Variants in MAF observed in about 807,000 individuals in gnomAD.
MAF encodes the protein transcription factor Maf.
A neutral mutation model predicts 22.0 loss-of-function variants in MAF; 10 were observed. That is an observed-to-expected ratio of 0.45 (90% confidence interval 0.28 to 0.77). MAF has a LOEUF of 0.77. Ranked by LOEUF, MAF falls within the 30% of genes least tolerant of loss-of-function variation. The probability of loss-of-function intolerance (pLI) is 0.12; values close to 1 mark genes in which losing one functional copy is unlikely to be tolerated. For synonymous variants in MAF, 337 were observed against 255.8 expected (o/e 1.32, Z -3.03); for missense variants, 544 against 548.4 (o/e 0.99, Z 0.08).
chr16:79,252,267 G>A, the MAF span, among the ~76,000 whole-genome samples: 1 of 141,202 alleles, frequency 7.1e-6, no homozygotes, highest in Non-Finnish European at 1.6e-5. Context: ...TAATGGGTGT[G>A]GCCATGTTCC....
chr16:79,515,298 C>T, the MAF span, among the ~76,000 whole-genome samples: 1 of 152,212 alleles, frequency 6.6e-6, no homozygotes, highest in African/African-American at 2.4e-5. Flanking sequence ...ACAGATGGTG[C>T]CCAACTTTTG....
the MAF span, among the ~76,000 whole-genome samples, chr16:79,460,046 C>T: frequency 1.0e-3 from 153 of 152,228 alleles, 2 homozygotes; most frequent in Admixed American, 5.6e-3. Context: ...GCTTTTTGTC[C>T]GTTTTAATAC....
the MAF span, among the ~76,000 whole-genome samples, chr16:79,442,217 A>G: frequency 6.6e-6 from 1 of 152,210 alleles, no homozygotes; most frequent in African/African-American, 2.4e-5. Flanking sequence ...ATAGGGGATG[A>G]AAGGTGTTTT....
chr16:79,204,778 G>C, the MAF span: 4 of 152,244 alleles, frequency 2.6e-5, no homozygotes, highest in Admixed American at 1.3e-4. Flanking sequence ...GGGACTGGCT[G>C]CCTATTTTTC....
At chr16:79,392,581 C>A in the MAF span, among the ~76,000 whole-genome samples, 1 of 152,064 alleles carries the variant, frequency 6.6e-6, no homozygotes, top group African/African-American at 2.4e-5. Flanking sequence ...TAGGCCACGG[C>A]TTTCCTATAT....
chr16:79,210,045 G>A, the MAF span, among the ~76,000 whole-genome samples: 1 of 152,164 alleles, frequency 6.6e-6, no homozygotes, highest in Non-Finnish European at 1.5e-5. Context: ...AGTCATGTCA[G>A]TTATTCAAAT....
chr16:79,310,358 CGAGAGAGAGATAGAGACAGAGAGTAA>C, the MAF span, among the ~76,000 whole-genome samples: 1 of 151,482 alleles, frequency 6.6e-6, no homozygotes, highest in Non-Finnish European at 1.5e-5. Context: ...CTGTTTCGGA[CGAGAGAGAGATAGAGACAGAGAGTAA>C]GAGAGAGAGA....
At chr16:79,523,899 T>A in the MAF span, among the ~76,000 whole-genome samples, 1 of 152,194 alleles carries the variant, frequency 6.6e-6, no homozygotes, top group East Asian at 1.9e-4. Context: ...GTAGAGGGAA[T>A]CTGCAAAGTT....
At chr16:79,217,537 C>A in the MAF span, among the ~76,000 whole-genome samples, 5 of 152,350 alleles carry the variant, frequency 3.3e-5, no homozygotes, top group East Asian at 9.6e-4. Context: ...TCTCAATAGG[C>A]CCTCTCTCCT....
the MAF span, among the ~76,000 whole-genome samples, chr16:79,412,240 G>A: frequency 7.2e-5 from 11 of 152,164 alleles, no homozygotes; most frequent in South Asian, 2.1e-4. Context: ...AGTTCACAAC[G>A]GTGAGGTACA....
the MAF span, among the ~76,000 whole-genome samples, chr16:79,538,141 A>G: frequency 6.6e-6 from 1 of 152,364 alleles, no homozygotes; most frequent in East Asian, 1.9e-4. Context: ...GAAGAATGAG[A>G]AGAATGATCA....
the MAF span, among the ~76,000 whole-genome samples, chr16:79,241,863 G>A: frequency 1.3e-5 from 2 of 152,028 alleles, no homozygotes; most frequent in African/African-American, 2.4e-5. Flanking sequence ...AACACTACAA[G>A]CCAGAAGAGA....
chr16:79,353,125 T>G, the MAF span, among the ~76,000 whole-genome samples: 2 of 107,076 alleles, frequency 1.9e-5, no homozygotes, highest in African/African-American at 1.6e-4. Flanking sequence ...TCACCAGGAA[T>G]TTTTTTTTTT....
At chr16:79,559,732 A>G in the MAF span, among the ~76,000 whole-genome samples, 1 of 152,192 alleles carries the variant, frequency 6.6e-6, no homozygotes, top group Admixed American at 6.5e-5. Flanking sequence ...AAAAATGCTG[A>G]TGATGCTATA....
At chr16:79,267,625 A>G in the MAF span, among the ~76,000 whole-genome samples, 1 of 152,192 alleles carries the variant, frequency 6.6e-6, no homozygotes, top group East Asian at 1.9e-4. Flanking sequence ...ACCGGGTAGT[A>G]TGACATGGAG....
chr16:79,254,791 C>T, the MAF span, among the ~76,000 whole-genome samples: 1 of 152,148 alleles, frequency 6.6e-6, no homozygotes, highest in Non-Finnish European at 1.5e-5. Flanking sequence ...CAAACTACAG[C>T]AGATGAACTC....
At chr16:79,541,769 C>T in the MAF span, among the ~76,000 whole-genome samples, 1 of 150,722 alleles carries the variant, frequency 6.6e-6, no homozygotes, top group Non-Finnish European at 1.5e-5. Flanking sequence ...GATTCTCCTG[C>T]CTCAGCGTCT....
the MAF span, among the ~76,000 whole-genome samples, chr16:79,431,918 A>G: frequency 6.6e-6 from 1 of 152,184 alleles, no homozygotes; most frequent in East Asian, 1.9e-4. Flanking sequence ...CCTATGCTGA[A>G]GACTGAGCTG....
the MAF span, among the ~76,000 whole-genome samples, chr16:79,215,408 G>T: frequency 6.6e-6 from 1 of 152,126 alleles, no homozygotes; most frequent in African/African-American, 2.4e-5. Flanking sequence ...TGACTTTATG[G>T]GTCTGACTCT....
Sources: gnomAD v4.1 joint callset for allele counts (sites outside exome capture counted in the v4.1 genomes callset) on GRCh38, gnomAD v4.1.1 for gene constraint, MANE v1.5 for transcripts, NCBI Gene and HGNC (gene_info 2026-07-23, HGNC 2026-07-21) for gene names.